The following CERKL variants were observed in gnomAD, a reference collection of about 807,000 sequenced individuals.
The protein encoded by CERKL is ceramide kinase-like protein.
A neutral mutation model predicts 63.4 loss-of-function variants in CERKL; 61 were observed. That is an observed-to-expected ratio of 0.96 (90% CI 0.78 to 1.19). The LOEUF (loss-of-function observed/expected upper bound fraction) is 1.19. Among genes scored for constraint, CERKL ranks in the 50% most tolerant of loss-of-function variants. The pLI, the probability that CERKL is intolerant of heterozygous loss-of-function variation, is 0.00. For synonymous variants in CERKL, 250 were observed against 230.5 expected (o/e 1.08, Z -0.77); for missense variants, 675 against 655.5 (o/e 1.03, Z -0.33).
At chr2:181,645,172 T>G (rs945050809) in intron 1 of CERKL, among the ~76,000 whole-genome samples, 6 of 152,200 alleles carry the variant, frequency 3.9e-5, no homozygotes, top group African/African-American at 1.4e-4. Flanking sequence ...TTTAAGAATT[T>G]TTTTTAAAAA....
intron 1 of CERKL, among the ~76,000 whole-genome samples, chr2:181,640,419 A>G (rs1687370057): frequency 6.6e-6 from 1 of 152,202 alleles, no homozygotes; most frequent in Admixed American, 6.5e-5. Flanking sequence ...CTTGGGTAGG[A>G]ATACGGTCAG....
intron 3 of CERKL, among the ~76,000 whole-genome samples, chr2:181,568,420 T>C (rs189170557): frequency 4.5e-4 from 69 of 152,280 alleles, no homozygotes; most frequent in African/African-American, 1.5e-3. Flanking sequence ...GAGTGTCCCT[T>C]TCCTCCACTC....
intron 2 of CERKL, among the ~76,000 whole-genome samples, chr2:181,595,470 G>A (rs1685167343): frequency 6.6e-6 from 1 of 152,168 alleles, no homozygotes; most frequent in East Asian, 1.9e-4. Flanking sequence ...TCTAGCAGGT[G>A]TATGAAGTCC....
intron 1 of CERKL, among the ~76,000 whole-genome samples, chr2:181,614,461 C>A (rs986198376): frequency 1.3e-5 from 2 of 152,098 alleles, no homozygotes; most frequent in African/African-American, 4.8e-5. Context: ...TACACCTTTA[C>A]GGTATCACCT....
At chr2:181,540,737 G>A (rs1041253752) in intron 11 of CERKL, among the ~76,000 whole-genome samples, 4 of 152,118 alleles carry the variant, frequency 2.6e-5, no homozygotes, top group Non-Finnish European at 4.4e-5. Flanking sequence ...TGGGACTTTC[G>A]GGAGCCAAGA....
chr2:181,565,336 G>C (rs1227929922), intron 4 of CERKL: 1 of 838,602 alleles, frequency 1.2e-6, no homozygotes, highest in Non-Finnish European at 2.1e-6. Context: ...CTTCCCTAAA[G>C]GAATATAATA....
At chr2:181,578,476 T>C (rs931889838) in intron 2 of CERKL, among the ~76,000 whole-genome samples, 1 of 151,992 alleles carries the variant, frequency 6.6e-6, no homozygotes, top group Non-Finnish European at 1.5e-5. Flanking sequence ...ATTTTTATAT[T>C]TTTTCTAGAG....
chr2:181,620,352 C>T lies in CERKL; in HGVS notation c.239-16273G>A, dbSNP rs575861581. On this transcript the variant is annotated intron_variant, in intron 1 of 12. Transcript: ENST00000410087. ...AAGGTAGTACCTCTGCAGGTCAGAT[C>T]CCATTACTTCCCAGCAGTCACGGTG... Among the ~76,000 whole-genome samples, 31 of 152,242 alleles carry T rather than the reference C, an allele frequency of 2.0e-4. No homozygotes were observed. In the South Asian group the frequency reaches 5.4e-3, roughly 27 times the overall value.
intron 1 of CERKL, among the ~76,000 whole-genome samples, chr2:181,615,029 T>C (rs1453980471): frequency 6.6e-6 from 1 of 152,212 alleles, no homozygotes; most frequent in African/African-American, 2.4e-5. Context: ...ATCATACTGG[T>C]TATAGCTAGT....
In CERKL at chr2:181,550,942, T is replaced by C. The variant is rs1317180767; in HGVS notation, c.821-1234A>G. ...CAAAAGGCAAGTTATGCTGTGACCC[T>C]TGTTACTCAAAATACGGCCTACTGT... On this transcript the variant is annotated intron_variant, in intron 5 of 12. Coordinates refer to ENST00000410087, the MANE Select transcript of CERKL (RefSeq NM_201548.5). This position sits in a 1 kb window ranked among gnomAD's most constrained non-coding sequence, Gnocchi z 4.5. 6.6e-6 allele frequency among the ~76,000 whole-genome samples: 1 copy of C among 152,150 alleles called. No homozygotes were observed. Among genetic ancestry groups the C allele is most frequent in the African/African-American group, 2.4e-5 (1 of 41,442 alleles).
chr2:181,597,490 C>T (rs376777821), intron 2 of CERKL, among the ~76,000 whole-genome samples: 3 of 152,240 alleles, frequency 2.0e-5, no homozygotes, highest in African/African-American at 7.2e-5. Context: ...GAGCCAGGAC[C>T]TTTTGGAGTG....
chr2:181,587,990 T>G (rs1480366475), intron 2 of CERKL, among the ~76,000 whole-genome samples: 8 of 152,184 alleles, frequency 5.3e-5, no homozygotes, highest in African/African-American at 1.9e-4. Context: ...TTAAAATTTT[T>G]AATTAAAAAT....
rs1688313045 is a variant in CERKL, at chr2:181,558,734, A to G, written c.678-26T>C. The G allele has an allele frequency of 3.7e-6, 6 of 1,612,314 alleles. No homozygotes were observed. Among genetic ancestry groups the G allele is most frequent in the Non-Finnish European group, 5.1e-6 (6 of 1,178,810 alleles). On this transcript the variant is annotated intron_variant, in intron 4 of 12. Transcript: ENST00000410087. This position sits in a 1 kb window ranked among gnomAD's most constrained non-coding sequence, Gnocchi z 4.2. ...CTAGAAAAATACAAATCAAGCAAAG[A>G]AGGCAAAACTTCAGAATGATTGGTA... is the stretch of plus-strand genomic sequence containing the variant.
intron 2 of CERKL, among the ~76,000 whole-genome samples, chr2:181,582,588 G>C (rs1684569437): frequency 1.3e-5 from 2 of 150,038 alleles, no homozygotes; most frequent in South Asian, 4.2e-4. Context: ...CTGAAGTGCA[G>C]TGGCTGGCGG....
intron 3 of CERKL, among the ~76,000 whole-genome samples, chr2:181,567,887 C>A (rs1688731905): frequency 6.6e-6 from 1 of 152,144 alleles, no homozygotes; most frequent in African/African-American, 2.4e-5. Context: ...CAGCCAGATT[C>A]AAATCATCCC....
At chr2:181,645,206 G>A (rs1403038112) in intron 1 of CERKL, among the ~76,000 whole-genome samples, 1 of 152,138 alleles carries the variant, frequency 6.6e-6, no homozygotes, top group Admixed American at 6.5e-5. Flanking sequence ...TTAAAAAGGG[G>A]GAGAGGGGAA....
At position 181,543,967 on chromosome 2, in the gene CERKL, C is replaced by A. The variant is rs576972316; in HGVS notation, c.1365+733G>T. ...CCACTGCACTCCAGCCTGGGTGACA[C>A]AGCAAGGCTCTAACTCAAAAAAAAA... On this transcript the variant is annotated intron_variant, in intron 11 of 12. Coordinates refer to ENST00000410087, the MANE Select transcript of CERKL (RefSeq NM_201548.5). Among the ~76,000 whole-genome samples, 3 of 117,708 alleles carry A rather than the reference C, an allele frequency of 2.5e-5. No individual in the cohort carries two copies. The East Asian group carries it at 7.4e-4, about 29-fold the overall frequency. 77.2% of individuals were successfully genotyped at this position (117,708 alleles called of 152,430 possible).
In CERKL at chr2:181,650,761, AAAAAAAAG is replaced by A. The variant is rs943680127; in HGVS notation, c.238+6000_238+6007del. ...GCAACAAGAGCGAAACTCCATCTCAAAAAAAAAGAAAGAAAGAAAAAAAAGAACAGAAC... is the reference window on the plus strand; with the variant it reads ...GCAACAAGAGCGAAACTCCATCTCAAAAAGAAAGAAAAAAAAGAACAGAAC... On this transcript the variant is annotated intron_variant, in intron 1 of 12. Transcript: ENST00000410087. Among the ~76,000 whole-genome samples the A allele has an allele frequency of 1.6e-3, 248 of 150,660 alleles. 1 individual carries two copies. Among genetic ancestry groups the A allele is most frequent in the Non-Finnish European group, 2.6e-4 (18 of 67,928 alleles).
chr2:181,585,009 A>G (rs1684699748), intron 2 of CERKL, among the ~76,000 whole-genome samples: 1 of 151,256 alleles, frequency 6.6e-6, no homozygotes, highest in African/African-American at 2.4e-5. Flanking sequence ...GTTTTCCTTC[A>G]TATATCGATA....
Sources: gnomAD v4.1 joint callset for allele counts (sites outside exome capture counted in the v4.1 genomes callset) on GRCh38, gnomAD v4.1.1 for gene constraint, Gnocchi (gnomAD v3.1) non-coding constraint, MANE v1.5 for transcripts, NCBI Gene and HGNC (gene_info 2026-07-23, HGNC 2026-07-21) for gene names.